The following C5orf47 variants were observed in gnomAD, a reference collection of about 807,000 sequenced individuals.
The protein encoded by C5orf47 is uncharacterized protein C5orf47.
A neutral mutation model predicts 20.6 loss-of-function variants in C5orf47; 20 were observed. The observed-to-expected ratio is 0.97, with a 90% CI of 0.68 to 1.41. C5orf47 has a LOEUF of 1.41. Among genes scored for constraint, C5orf47 ranks in the 40% most tolerant of loss-of-function variants. The probability of loss-of-function intolerance (pLI) is 0.00; values close to 1 mark genes in which losing one functional copy is unlikely to be tolerated. For missense variants in C5orf47, 262 were observed against 238.4 expected, an observed-to-expected ratio of 1.10 and a Z score of -0.65; for synonymous variants, 106 against 97.3, an observed-to-expected ratio of 1.09 and a Z score of -0.53.
downstream of C5orf47, chr5:174,006,235 CTT>C (rs1179405766): frequency 6.6e-6 from 1 of 152,308 alleles, no homozygotes; most frequent in Non-Finnish European, 1.5e-5. Flanking sequence ...ATATCTGACT[CTT>C]TCCTCTGTGT....
chr5:173,993,143 A>G (rs1419155767), intron 1 of C5orf47, among the ~76,000 whole-genome samples: 1 of 152,052 alleles, frequency 6.6e-6, no homozygotes, highest in Non-Finnish European at 1.5e-5. Context: ...TAGTATTTCT[A>G]GTTTCTCTTC....
intron 1 of C5orf47, among the ~76,000 whole-genome samples, chr5:173,992,427 T>G (rs1485265804): frequency 6.6e-6 from 1 of 152,086 alleles, no homozygotes; most frequent in Non-Finnish European, 1.5e-5. Flanking sequence ...AAATCAAGGT[T>G]TTGATTTATT....
intron 1 of C5orf47, among the ~76,000 whole-genome samples, chr5:173,996,195 C>T (rs866153685): frequency 3.3e-5 from 5 of 151,922 alleles, no homozygotes; most frequent in Non-Finnish European, 7.4e-5. Context: ...AACAAAGCAC[C>T]GAGTATGGAT....
In C5orf47 at chr5:173,990,054, T is replaced by A. The variant is rs543899711; in HGVS notation, c.325+466T>A. ...TCAACTTATTCCTAAATATTTAATC[T>A]TCTTTGCTGTTGTAAATGGGGTTTC... On this transcript the variant is annotated intron_variant, in intron 1 of 4. Coordinates refer to ENST00000340147, the MANE Select transcript of C5orf47 (RefSeq NM_001144954.2). Among the ~76,000 whole-genome samples, 543 of 152,312 alleles carry A rather than the reference T, an allele frequency of 3.6e-3. 4 individuals are homozygous for A. Among genetic ancestry groups the A allele is most frequent in the African/African-American group, 0.013 (527 of 41,576 alleles).
At chr5:174,001,129 T>C (rs757267507) in intron 3 of C5orf47, 67 bp from the exon 4 acceptor site, 1 of 971,698 alleles carries the variant, frequency 1.0e-6, no homozygotes, top group Non-Finnish European at 1.6e-6. Flanking sequence ...ATAATGTATA[T>C]TTATTAATGG....
At chr5:174,008,460 A>G (rs930038315), downstream of C5orf47, among the ~76,000 whole-genome samples, 19 of 152,328 alleles carry the variant, frequency 1.2e-4, no homozygotes, top group Admixed American at 2.0e-4. Flanking sequence ...TTGCTTATGG[A>G]AAGCCTAACA....
At chr5:173,998,305 G>A in intron 2 of C5orf47, 67 bp downstream of exon 2, 1 of 820,208 alleles carries the variant, frequency 1.2e-6, no homozygotes, top group South Asian at 1.7e-5. Flanking sequence ...ATACAAATGT[G>A]TAAAGATATT....
downstream of C5orf47, among the ~76,000 whole-genome samples, chr5:174,009,160 G>A (rs1470379780): frequency 6.6e-5 from 10 of 151,784 alleles, no homozygotes; most frequent in African/African-American, 2.4e-4. Flanking sequence ...GCCGTGAGCC[G>A]AGATTGCACC....
At chr5:174,007,292 G>A (rs1759307025), downstream of C5orf47, among the ~76,000 whole-genome samples, 1 of 152,174 alleles carries the variant, frequency 6.6e-6, no homozygotes, top group Non-Finnish European at 1.5e-5. Context: ...ATCACATTCT[G>A]TGGAATGGGA....
At chr5:174,008,901 T>G (rs1288618186), downstream of C5orf47, among the ~76,000 whole-genome samples, 2 of 151,922 alleles carry the variant, frequency 1.3e-5, no homozygotes, top group Non-Finnish European at 2.9e-5. Flanking sequence ...TTATTGGTCT[T>G]GAGGCACCAA....
At chr5:173,995,337 T>C (rs1759070697) in intron 1 of C5orf47, among the ~76,000 whole-genome samples, 1 of 152,182 alleles carries the variant, frequency 6.6e-6, no homozygotes, top group South Asian at 2.1e-4. Flanking sequence ...AAGAGTGAGC[T>C]GAGAATAGCT....
chr5:173,989,593 T>C lies in C5orf47; in HGVS notation c.325+5T>C, dbSNP rs1161296037. 2 of 1,428,022 alleles carry C rather than the reference T, an allele frequency of 1.4e-6. No homozygotes were observed. The highest frequency in any genetic ancestry group is 1.8e-6 in the Non-Finnish European group (2 of 1,091,894). The allele number at this position is 1,428,022 out of a possible 1,614,324, so 88.5% of individuals were successfully genotyped here. On this transcript the variant is annotated splice_donor_5th_base_variant and intron_variant, in intron 1 of 4. Transcript: ENST00000340147. Reference sequence around the variant, plus strand: ...CCAGACAGTCGGCGCGTGCAGGTGGTGCAGCGGGGCAGGGCGGGACCGGGC... The same window carrying C: ...CCAGACAGTCGGCGCGTGCAGGTGGCGCAGCGGGGCAGGGCGGGACCGGGC...
chr5:174,000,028 G>A (rs985693099), intron 3 of C5orf47, among the ~76,000 whole-genome samples: 6 of 152,040 alleles, frequency 3.9e-5, no homozygotes, highest in African/African-American at 1.4e-4. Context: ...GAATGTAGAA[G>A]GTGTGTGTTG....
intron 1 of C5orf47, among the ~76,000 whole-genome samples, chr5:173,991,169 A>G (rs1040735079): frequency 2.0e-5 from 3 of 152,026 alleles, no homozygotes; most frequent in Non-Finnish European, 4.4e-5. Flanking sequence ...CACTTAGCCT[A>G]TTGGTTTTTG....
downstream of C5orf47, chr5:174,006,225 A>G (rs1307889823): frequency 1.3e-5 from 2 of 152,356 alleles, no homozygotes; most frequent in Non-Finnish European, 2.9e-5. Context: ...CACCAAATCT[A>G]TATCTGACTC....
intron 1 of C5orf47, among the ~76,000 whole-genome samples, chr5:173,990,172 C>G (rs1010484121): frequency 6.8e-6 from 1 of 146,322 alleles, no homozygotes; most frequent in Non-Finnish European, 1.5e-5. Context: ...GTCACTCAGG[C>G]TGGAGTGTGG....
At chr5:173,993,276 G>A (rs577584215) in intron 1 of C5orf47, among the ~76,000 whole-genome samples, 1 of 152,176 alleles carries the variant, frequency 6.6e-6, no homozygotes, top group South Asian at 2.1e-4. Flanking sequence ...TTAAAGTGAT[G>A]CTGAGGGTGT....
chr5:174,007,762 A>T (rs918858569), downstream of C5orf47, among the ~76,000 whole-genome samples: 1 of 151,924 alleles, frequency 6.6e-6, no homozygotes, highest in African/African-American at 2.4e-5. Flanking sequence ...GTTTCACTGT[A>T]TTAGCCAGGC....
intron 4 of C5orf47, among the ~76,000 whole-genome samples, chr5:174,002,206 C>T (rs1235176886): frequency 6.6e-6 from 1 of 152,100 alleles, no homozygotes; most frequent in Non-Finnish European, 1.5e-5. Context: ...AGTGATCCTA[C>T]TGCCTCAGCT....
Sources: allele counts gnomAD v4.1 joint callset (sites outside exome capture counted in the v4.1 genomes callset), GRCh38; gene constraint gnomAD v4.1.1; transcripts MANE v1.5; gene names NCBI Gene and HGNC (gene_info 2026-07-23, HGNC 2026-07-21).